TRIM2: variants seen among roughly 807,000 people sequenced by gnomAD.
TRIM2 encodes the protein tripartite motif containing 2.
In TRIM2, 20 loss-of-function variants were observed where a neutral mutation model predicts 75.2. That is an observed-to-expected ratio of 0.27 (90% confidence interval 0.19 to 0.39). The LOEUF (loss-of-function observed/expected upper bound fraction) is 0.39. TRIM2 is among the 10% of genes least tolerant of loss of function. The probability of loss-of-function intolerance (pLI) is 1.00; values close to 1 mark genes in which losing one functional copy is unlikely to be tolerated. For synonymous variants in TRIM2, 373 were observed against 388.3 expected (o/e 0.96, Z 0.46); for missense variants, 660 against 990.8 (o/e 0.67, Z 4.48).
At chr4:153,284,983 T>A (rs1408060333) in intron 3 of TRIM2, among the ~76,000 whole-genome samples, 1 of 152,190 alleles carries the variant, frequency 6.6e-6, no homozygotes, top group Admixed American at 6.5e-5. Flanking sequence ...TTGTTGCTTG[T>A]GCTTTTGGTG....
chr4:153,239,057 A>C (rs1258867625), intron 1 of TRIM2, among the ~76,000 whole-genome samples: 2 of 152,184 alleles, frequency 1.3e-5, no homozygotes, highest in African/African-American at 4.8e-5. Context: ...CCTTAGTTAG[A>C]AAATAACTCT....
intron 1 of TRIM2, among the ~76,000 whole-genome samples, chr4:153,183,835 A>G (rs1302595576): frequency 6.6e-6 from 1 of 152,186 alleles, no homozygotes; most frequent in East Asian, 1.9e-4. Context: ...TTGTAGGTGT[A>G]AGGGAGACAA....
chr4:153,329,754 T>C (rs763256664), intron 11 of TRIM2, among the ~76,000 whole-genome samples: 1 of 151,828 alleles, frequency 6.6e-6, no homozygotes, highest in South Asian at 2.1e-4. Flanking sequence ...GGAGAATCGC[T>C]TGAACCCAGG....
intron 1 of TRIM2, among the ~76,000 whole-genome samples, chr4:153,158,033 C>G (rs1386347366): frequency 1.3e-5 from 2 of 152,212 alleles, no homozygotes; most frequent in African/African-American, 4.8e-5. Flanking sequence ...TTTACACAGT[C>G]AGTTTGTGTT....
chr4:153,153,831 T>C (rs961819397), intron 1 of TRIM2, among the ~76,000 whole-genome samples: 6 of 152,198 alleles, frequency 3.9e-5, no homozygotes, highest in African/African-American at 1.4e-4. Flanking sequence ...GCCTTTGGGA[T>C]TTCAGAGCCC....
intron 1 of TRIM2, among the ~76,000 whole-genome samples, chr4:153,177,423 A>G (rs1044811557): frequency 3.9e-5 from 6 of 152,240 alleles, no homozygotes; most frequent in East Asian, 1.9e-4. Context: ...TGGGAGGCCA[A>G]GGTGGGTGGA....
intron 1 of TRIM2, among the ~76,000 whole-genome samples, chr4:153,238,411 A>G (rs932004257): frequency 2.8e-4 from 43 of 152,320 alleles, no homozygotes; most frequent in African/African-American, 9.9e-4. Flanking sequence ...GAAAAATCAC[A>G]CATTCCTTTA....
chr4:153,235,670 T>C (rs987815228), intron 1 of TRIM2, among the ~76,000 whole-genome samples: 1 of 152,184 alleles, frequency 6.6e-6, no homozygotes, highest in African/African-American at 2.4e-5. Flanking sequence ...TGTGATTCTT[T>C]TTCATTTTTA....
At chr4:153,260,701 C>A (rs1579080361) in intron 1 of TRIM2, among the ~76,000 whole-genome samples, 15 of 34,186 alleles carry the variant, frequency 4.4e-4, no homozygotes, top group South Asian at 3.3e-3. Flanking sequence ...CCCCCCCCCC[C>A]ACACACACAC....
chr4:153,191,972 C>T (rs1161663321), intron 1 of TRIM2, among the ~76,000 whole-genome samples: 2 of 152,142 alleles, frequency 1.3e-5, no homozygotes, highest in African/African-American at 4.8e-5. Context: ...CTAGCATGTC[C>T]CCTCTGGGTT....
At chr4:153,155,797 G>A (rs1729177788) in intron 1 of TRIM2, among the ~76,000 whole-genome samples, 1 of 152,162 alleles carries the variant, frequency 6.6e-6, no homozygotes, top group Non-Finnish European at 1.5e-5. Context: ...TATAAGCCCA[G>A]GTATGGATAT....
At chr4:153,276,167 T>G (rs1340301331) in intron 3 of TRIM2, 37 bp downstream of exon 3, 1 of 1,564,506 alleles carries the variant, frequency 6.4e-7, no homozygotes, top group South Asian at 1.1e-5. Flanking sequence ...CCCGGGAGCA[T>G]GACTACTGTG....
rs140986511 is a variant in TRIM2 at position 153,309,329 on chromosome 4, A to G, written c.1511-6156A>G. On this transcript the variant is annotated intron_variant, in intron 6 of 11. Coordinates refer to ENST00000338700, the MANE Select transcript of TRIM2 (RefSeq NM_015271.5). ...CTCTGATGATCTCGGTAATGTGTCT[A>G]GCTTCAACTTTCTCATCTATAAAAT... is the stretch of plus-strand genomic sequence containing the variant. 6.7e-3 allele frequency among the ~76,000 whole-genome samples: 1,025 copies of G among 152,320 alleles called. 11 individuals are homozygous for G. Among genetic ancestry groups the G allele is most frequent in the African/African-American group, 0.023 (967 of 41,568 alleles).
intron 3 of TRIM2, among the ~76,000 whole-genome samples, chr4:153,288,964 C>T (rs1761268922): frequency 6.6e-6 from 1 of 152,030 alleles, no homozygotes; most frequent in African/African-American, 2.4e-5. Flanking sequence ...TATTAATATT[C>T]TCCATTTAGT....
At chr4:153,268,188 T>G (rs1326906746) in intron 1 of TRIM2, among the ~76,000 whole-genome samples, 1 of 152,232 alleles carries the variant, frequency 6.6e-6, no homozygotes, top group Non-Finnish European at 1.5e-5. Flanking sequence ...AGCACTGATC[T>G]TTGGTTTTAC....
intron 10 of TRIM2, among the ~76,000 whole-genome samples, chr4:153,325,357 G>A (rs1379646708): frequency 1.3e-5 from 2 of 152,172 alleles, no homozygotes; most frequent in East Asian, 3.8e-4. Flanking sequence ...CTCCAGAGAT[G>A]CTCACATGGT....
intron 1 of TRIM2, among the ~76,000 whole-genome samples, chr4:153,251,913 C>T (rs1022703861): frequency 2.1e-5 from 3 of 143,452 alleles, no homozygotes; most frequent in Non-Finnish European, 4.5e-5. Flanking sequence ...CCCAGGAGGT[C>T]GAGCAGCAGT....
At chr4:153,257,152 G>T (rs1056631904) in intron 1 of TRIM2, among the ~76,000 whole-genome samples, 5 of 152,156 alleles carry the variant, frequency 3.3e-5, no homozygotes, top group African/African-American at 1.2e-4. Flanking sequence ...CGTCTGATTT[G>T]TAGCACTCCC....
chr4:153,237,820 ATAT>A (rs1361504096), intron 1 of TRIM2, among the ~76,000 whole-genome samples: 18 of 141,570 alleles, frequency 1.3e-4, no homozygotes, highest in African/African-American at 3.1e-5. Context: ...GGTTATACAA[ATAT>A]TATACAAATA....
Sources: gnomAD v4.1 joint callset for allele counts (sites outside exome capture counted in the v4.1 genomes callset) on GRCh38, gnomAD v4.1.1 for gene constraint, MANE v1.5 for transcripts, NCBI Gene and HGNC (gene_info 2026-07-23, HGNC 2026-07-21) for gene names.